The following BFSP1 variants were observed in gnomAD, a reference collection of about 807,000 sequenced individuals.
BFSP1 encodes the protein filensin.
A neutral mutation model predicts 43.9 loss-of-function variants in BFSP1; 38 were observed. The observed-to-expected ratio is 0.87, with a 90% confidence interval of 0.67 to 1.14. The LOEUF (loss-of-function observed/expected upper bound fraction) is 1.14, where lower values mean the gene tolerates loss of function less well. BFSP1 is among the 50% of genes most tolerant of loss of function. BFSP1 has a pLI of 0.00. For synonymous variants in BFSP1, 352 were observed against 354.8 expected, an observed-to-expected ratio of 0.99 and a Z score of 0.09; for missense variants, 850 against 875.1, an observed-to-expected ratio of 0.97 and a Z score of 0.36.
chr20:17,531,314 A>C lies in BFSP1; in HGVS notation c.16T>G (p.Tyr6Asp). 6 of 1,465,248 alleles carry C rather than the reference A, an allele frequency of 4.1e-6. No individual in the cohort carries two copies. The highest frequency in any genetic ancestry group is 5.4e-6 in the Non-Finnish European group (6 of 1,115,212). The allele number at this position is 1,465,248 out of a possible 1,614,324, so 90.8% of individuals were successfully genotyped here. ...TGCTCCTTGCGGGTCTGGAAGACGT[A>C]GCTGCGCCGGTACATGGCTGCTCTG... is the stretch of plus-strand genomic sequence containing the variant. MYRRS[Y>D]VFQTRKEQYE... Residue 6 changes from tyrosine to aspartate, a missense_variant, in exon 1 of 8, where the codon TAC becomes GAC. Transcript: ENST00000377873.
chr20:17,563,890 A>G (rs1178652154), upstream of BFSP1, among the ~76,000 whole-genome samples: 10 of 150,928 alleles, frequency 6.6e-5, no homozygotes, highest in Non-Finnish European at 7.4e-5. Flanking sequence ...GTGTCTAAAA[A>G]AAAAAAAAAA....
rs1289760384 is a variant in BFSP1, at chr20:17,507,493, C to T, written c.735+1396G>A. ...CATCCAAAAATGAGTTGTCACTAGCCATTTGGAAAACACTGGTCTCTAGGA... is the reference window on the plus strand; with the variant it reads ...CATCCAAAAATGAGTTGTCACTAGCTATTTGGAAAACACTGGTCTCTAGGA... On this transcript the variant is annotated intron_variant, in intron 5 of 7. Coordinates refer to ENST00000377873, the MANE Select transcript of BFSP1 (RefSeq NM_001195.5). The surrounding 1 kb of genome is among the most constrained non-coding windows in gnomAD (Gnocchi z 4.4). Among the ~76,000 whole-genome samples the T allele has an allele frequency of 2.6e-5, 4 of 152,014 alleles. No homozygotes were observed. The highest frequency in any genetic ancestry group is 9.7e-5 in the African/African-American group (4 of 41,384).
intron 1 of BFSP1, among the ~76,000 whole-genome samples, chr20:17,545,254 G>C (rs561308447): frequency 3.9e-5 from 6 of 152,318 alleles, no homozygotes; most frequent in African/African-American, 1.4e-4. Flanking sequence ...GGTAGGGTTT[G>C]CGGGCTGGGC....
At chr20:17,521,239 GTTTAC>G (rs2034313788) in intron 2 of BFSP1, among the ~76,000 whole-genome samples, 1 of 152,234 alleles carries the variant, frequency 6.6e-6, no homozygotes, top group Non-Finnish European at 1.5e-5. Flanking sequence ...GTGTTGAGGA[GTTTAC>G]TTCACTTCTA....
At chr20:17,544,583 T>G (rs900460079) in intron 1 of BFSP1, among the ~76,000 whole-genome samples, 1 of 152,228 alleles carries the variant, frequency 6.6e-6, no homozygotes. Context: ...ATGGCAGTAC[T>G]AAGACAAGAA....
upstream of BFSP1, among the ~76,000 whole-genome samples, chr20:17,535,638 ATAAG>A (rs780565494): frequency 1.9e-4 from 28 of 144,904 alleles, no homozygotes; most frequent in Admixed American, 6.0e-4. Flanking sequence ...ATAAACATAA[ATAAG>A]TATGAGAGAT....
intron 5 of BFSP1, among the ~76,000 whole-genome samples, chr20:17,503,841 G>C (rs563380366): frequency 1.3e-5 from 2 of 152,212 alleles, no homozygotes; most frequent in Admixed American, 6.5e-5. Context: ...GGGAAAGTCA[G>C]TGTGAGCCAT....
intron 2 of BFSP1, chr20:17,517,175 C>T: frequency 1.2e-6 from 1 of 817,380 alleles, no homozygotes; most frequent in Non-Finnish European, 2.1e-6. Context: ...ACGAGAATGG[C>T]AAAATTAGTC....
upstream of BFSP1, chr20:17,531,451 G>A: frequency 1.7e-6 from 2 of 1,200,796 alleles, no homozygotes; most frequent in South Asian, 3.6e-5. Flanking sequence ...ACGTTCCAGA[G>A]CCGATCAGCA....
chr20:17,505,550 G>T (rs2033915447), intron 5 of BFSP1, among the ~76,000 whole-genome samples: 1 of 152,244 alleles, frequency 6.6e-6, no homozygotes, highest in Admixed American at 6.5e-5. Context: ...GCCACAGAGC[G>T]GGCCCTGCCC....
chr20:17,509,061 C>A, intron 4 of BFSP1, 65 bp from the exon 5 acceptor site: 1 of 1,248,392 alleles, frequency 8.0e-7, no homozygotes, highest in Non-Finnish European at 1.1e-6. Context: ...AGAGAAGGTG[C>A]GGGGCCCTGG....
At chr20:17,497,512 G>GTGTATA (rs539218569) in intron 6 of BFSP1, among the ~76,000 whole-genome samples, 4 of 139,360 alleles carry the variant, frequency 2.9e-5, no homozygotes, top group African/African-American at 5.4e-5. Context: ...GTATATATAC[G>GTGTATA]TATATATATA....
chr20:17,511,671 C>T (rs974961878), intron 4 of BFSP1, among the ~76,000 whole-genome samples: 3 of 152,202 alleles, frequency 2.0e-5, no homozygotes, highest in African/African-American at 7.2e-5. Flanking sequence ...AATGGCACAT[C>T]GCTTTGGAAA....
At chr20:17,533,509 G>A (rs143143911), upstream of BFSP1, among the ~76,000 whole-genome samples, 1,057 of 152,268 alleles carry the variant, frequency 6.9e-3, 4 homozygotes, top group Middle Eastern at 0.017. Flanking sequence ...TGCTCCCAAT[G>A]TCCCTCAAGC....
At chr20:17,547,037 A>G (rs1471926016) in intron 1 of BFSP1, among the ~76,000 whole-genome samples, 1 of 151,758 alleles carries the variant, frequency 6.6e-6, no homozygotes, top group Non-Finnish European at 1.5e-5. Flanking sequence ...AAAAAAAAAA[A>G]AAAAAAAAAA....
At chr20:17,523,375 C>A (rs2034355623) in intron 2 of BFSP1, among the ~76,000 whole-genome samples, 1 of 151,994 alleles carries the variant, frequency 6.6e-6, no homozygotes, top group South Asian at 2.1e-4. Flanking sequence ...GGGGAGAGGG[C>A]CTCGGAGGGC....
chr20:17,548,241 G>C (rs1304387493), intron 1 of BFSP1, among the ~76,000 whole-genome samples: 1 of 148,002 alleles, frequency 6.8e-6, no homozygotes, highest in African/African-American at 2.5e-5. Flanking sequence ...GAATCTAATA[G>C]CATGTGTATG....
chr20:17,507,272 G>GGTGTGT lies in BFSP1; in HGVS notation c.735+1611_735+1616dup, dbSNP rs373485156. Among the ~76,000 whole-genome samples the GGTGTGT allele has an allele frequency of 0.026, 3,623 of 141,266 alleles. 60 individuals carry two copies. Among genetic ancestry groups the GGTGTGT allele is most frequent in the African/African-American group, 0.045 (1,715 of 37,846 alleles). 92.7% of individuals were successfully genotyped at this position (141,266 alleles called of 152,430 possible). On this transcript the variant is annotated intron_variant, in intron 5 of 7. Transcript: ENST00000377873. This position sits in a 1 kb window ranked among gnomAD's most constrained non-coding sequence, Gnocchi z 4.4. ...GCGAGCCATACACATCAGATAGGTA[G>GGTGTGT]GTGTGTGTGTGTGTGTGTGTGTGTG... is the stretch of plus-strand genomic sequence containing the variant.
At chr20:17,505,761 C>T (rs1253550556) in intron 5 of BFSP1, among the ~76,000 whole-genome samples, 1 of 152,338 alleles carries the variant, frequency 6.6e-6, no homozygotes, top group South Asian at 2.1e-4. Flanking sequence ...GGCTCCTGGA[C>T]CAGCCGCAGC....
Sources: allele counts gnomAD v4.1 joint callset (sites outside exome capture counted in the v4.1 genomes callset), GRCh38; gene constraint gnomAD v4.1.1; non-coding constraint Gnocchi (gnomAD v3.1); transcripts MANE v1.5; gene names NCBI Gene and HGNC (gene_info 2026-07-23, HGNC 2026-07-21).